Variants in RASGRP1 observed in about 807,000 individuals in gnomAD.
RASGRP1 encodes RAS guanyl releasing protein 1, also known as RAS guanyl-releasing protein 1.
A neutral mutation model predicts 95.1 loss-of-function variants in RASGRP1; 37 were observed. The observed-to-expected ratio is 0.39, with a 90% CI of 0.30 to 0.51. The LOEUF (loss-of-function observed/expected upper bound fraction) is 0.51, where lower values mean the gene tolerates loss of function less well. RASGRP1 is among the 20% of genes least tolerant of loss of function. RASGRP1 has a pLI of 0.80. For synonymous variants in RASGRP1, 325 were observed against 353.4 expected (o/e 0.92, Z 0.90); for missense variants, 711 against 965.4 (o/e 0.74, Z 3.49).
intron 2 of RASGRP1, among the ~76,000 whole-genome samples, chr15:38,529,603 A>C (rs1244602323): frequency 1.3e-5 from 2 of 152,128 alleles, no homozygotes; most frequent in Non-Finnish European, 2.9e-5. Flanking sequence ...TATCTGCTTT[A>C]TTTATTTAAT....
chr15:38,509,341 C>CTACT (rs1220493608), intron 8 of RASGRP1, among the ~76,000 whole-genome samples: 1 of 152,130 alleles, frequency 6.6e-6, no homozygotes, highest in African/African-American at 2.4e-5. Context: ...ACCAAGACGG[C>CTACT]TACTTAGTGA....
At chr15:38,537,383 G>C (rs1203857945) in intron 2 of RASGRP1, among the ~76,000 whole-genome samples, 2 of 152,190 alleles carry the variant, frequency 1.3e-5, no homozygotes, top group Non-Finnish European at 2.9e-5. Flanking sequence ...AAGCAGGCAC[G>C]TCACATGGTG....
chr15:38,503,279 A>G lies in RASGRP1; in HGVS notation c.1421T>C (p.Met474Thr). The change falls in exon 11 of 17, where the codon ATG (methionine) becomes ACG (threonine). Residue 474 changes from methionine (M) to threonine (T), a missense_variant. This residue lies in a region of RASGRP1 where 491 missense variants were observed against 676.6 expected (regional missense o/e 0.73). Transcript: ENST00000310803. ...PKTISKHVQR[M>T]VDSVFKNYDH... ...GAACACAGCTGTACTTACATCCACC[A>G]TCCTCTGGACGTGTTTGCTAATGGT... The G allele has an allele frequency of 6.2e-7, 1 of 1,606,972 alleles. No individual in the cohort carries two copies. Among genetic ancestry groups the G allele is most frequent in the Non-Finnish European group, 8.5e-7 (1 of 1,174,630 alleles).
intron 8 of RASGRP1, among the ~76,000 whole-genome samples, chr15:38,511,012 G>T (rs562686810): frequency 4.6e-5 from 7 of 152,230 alleles, no homozygotes; most frequent in African/African-American, 1.7e-4. Flanking sequence ...AAAGATAAAA[G>T]TATATTCTGT....
chr15:38,536,139 T>C (rs774853293), intron 2 of RASGRP1, among the ~76,000 whole-genome samples: 6 of 152,210 alleles, frequency 3.9e-5, no homozygotes, highest in South Asian at 2.1e-4. Flanking sequence ...CTAGGAACAA[T>C]TGAATTATCT....
chr15:38,504,412 A>G (rs1445175687), intron 10 of RASGRP1: 2 of 152,174 alleles, frequency 1.3e-5, no homozygotes, highest in African/African-American at 4.8e-5. Flanking sequence ...GCCATATTCT[A>G]TAAACTTTTT....
At chr15:38,560,133 T>A (rs1893747431) in intron 1 of RASGRP1, 128 bp from the exon 2 acceptor site, 1 of 848,108 alleles carries the variant, frequency 1.2e-6, no homozygotes, top group African/African-American at 1.7e-5. Context: ...GCCATACCCC[T>A]CCCACTTGGC....
intron 3 of RASGRP1, 116 bp downstream of exon 3, chr15:38,526,183 C>T (rs1892212968): frequency 1.3e-6 from 1 of 785,536 alleles, no homozygotes; most frequent in Non-Finnish European, 2.2e-6. Context: ...ACATATGAAC[C>T]TATTTGCCAC....
At chr15:38,562,414 C>T (rs1893845267) in intron 1 of RASGRP1, among the ~76,000 whole-genome samples, 1 of 152,212 alleles carries the variant, frequency 6.6e-6, no homozygotes, top group African/African-American at 2.4e-5. Context: ...AGGCTAGAAG[C>T]CAGCCCCTTG....
In RASGRP1 at chr15:38,489,000, G is replaced by A. The variant is rs1890464105; in HGVS notation, c.*1554C>T. The A allele has an allele frequency of 6.6e-6, 1 of 151,916 alleles. No individual in the cohort carries two copies. The highest frequency in any genetic ancestry group is 2.1e-4 in the South Asian group (1 of 4,826). The allele number at this position is 151,916 out of a possible 1,614,324, so 9.4% of individuals were successfully genotyped here. ...TATCACTAAAACTCAGTGCAAGGAGGAACTCAAATGGGAACTGATCTTTCA... is the reference window on the plus strand; with the variant it reads ...TATCACTAAAACTCAGTGCAAGGAGAAACTCAAATGGGAACTGATCTTTCA... On this transcript the variant is annotated 3_prime_UTR_variant, in exon 17 of 17. Coordinates refer to ENST00000310803, the MANE Select transcript of RASGRP1 (RefSeq NM_005739.4).
intron 2 of RASGRP1, among the ~76,000 whole-genome samples, chr15:38,556,563 G>A (rs755145202): frequency 2.0e-5 from 3 of 152,046 alleles, no homozygotes; most frequent in African/African-American, 7.3e-5. Context: ...TTTCCTTTGC[G>A]ACAAACATCT....
At chr15:38,503,230 G>T in intron 11 of RASGRP1, 42 bp downstream of exon 11, 1 of 1,485,496 alleles carries the variant, frequency 6.7e-7, no homozygotes, top group East Asian at 2.3e-5. Flanking sequence ...AACTGAGCCA[G>T]GCAATGCCTA....
At chr15:38,537,123 C>T (rs576608106) in intron 2 of RASGRP1, among the ~76,000 whole-genome samples, 73 of 152,146 alleles carry the variant, frequency 4.8e-4, no homozygotes, top group African/African-American at 1.7e-3. Context: ...ACTATGACCA[C>T]TACTCAAGGA....
intron 2 of RASGRP1, among the ~76,000 whole-genome samples, chr15:38,550,139 A>G (rs2141182908): frequency 6.6e-6 from 1 of 150,430 alleles, no homozygotes; most frequent in South Asian, 2.1e-4. Flanking sequence ...ACACCCAGCT[A>G]CTCGGGTGGC....
chr15:38,528,683 G>C (rs1595861789), intron 2 of RASGRP1, among the ~76,000 whole-genome samples: 1 of 151,916 alleles, frequency 6.6e-6, no homozygotes, highest in African/African-American at 2.4e-5. Flanking sequence ...TTTTTTGACA[G>C]TTTTTAAAAT....
chr15:38,495,750 A>G (rs1334921485), intron 15 of RASGRP1, among the ~76,000 whole-genome samples: 1 of 152,170 alleles, frequency 6.6e-6, no homozygotes, highest in African/African-American at 2.4e-5. Context: ...AAATATTTAA[A>G]TTGTTATGGT....
chr15:38,551,991 G>T (rs912329711), intron 2 of RASGRP1, among the ~76,000 whole-genome samples: 1 of 152,202 alleles, frequency 6.6e-6, no homozygotes, highest in Admixed American at 6.5e-5. Context: ...TCAAAATAGA[G>T]ATAGCATATA....
intron 14 of RASGRP1, among the ~76,000 whole-genome samples, chr15:38,499,413 TTCTA>T (rs1452739608): frequency 2.0e-5 from 3 of 152,132 alleles, no homozygotes; most frequent in African/African-American, 4.8e-5. Flanking sequence ...GCAGAAGAGA[TTCTA>T]TCTTTTTCAC....
intron 2 of RASGRP1, among the ~76,000 whole-genome samples, chr15:38,556,720 T>G (rs1257447175): frequency 1.3e-5 from 2 of 152,178 alleles, no homozygotes; most frequent in Non-Finnish European, 2.9e-5. Context: ...TAACTTTAAT[T>G]GAAATGTATA....
Sources: allele counts gnomAD v4.1 joint callset (sites outside exome capture counted in the v4.1 genomes callset), GRCh38; gene constraint gnomAD v4.1.1; regional missense constraint gnomAD v4.1.1; transcripts MANE v1.5; gene names NCBI Gene and HGNC (gene_info 2026-07-23, HGNC 2026-07-21).